The following CCBE1 variants were observed in gnomAD, a reference collection of about 807,000 sequenced individuals.
CCBE1 encodes the protein collagen and calcium-binding EGF domain-containing protein 1.
Under a neutral mutation model 50.0 loss-of-function variants are expected in CCBE1, and 37 were observed. The observed-to-expected ratio is 0.74, with a 90% CI of 0.57 to 0.97. The LOEUF (loss-of-function observed/expected upper bound fraction) is 0.97, where lower values mean the gene tolerates loss of function less well. CCBE1 is among the 50% of genes least tolerant of loss of function. The pLI is 0.00. For missense variants in CCBE1, 538 were observed against 523.8 expected (o/e 1.03, Z -0.26); for synonymous variants, 234 against 203.7 (o/e 1.15, Z -1.27).
chr18:59,461,219 G>A (rs2143697888), intron 5 of CCBE1, among the ~76,000 whole-genome samples: 1 of 151,642 alleles, frequency 6.6e-6, no homozygotes, highest in South Asian at 2.1e-4. Context: ...ACTTTCCACT[G>A]CATCACAGCT....
intron 9 of CCBE1, among the ~76,000 whole-genome samples, 182 bp from the exon 10 acceptor site, chr18:59,438,328 A>C (rs1263910838): frequency 6.6e-6 from 1 of 152,232 alleles, no homozygotes; most frequent in African/African-American, 2.4e-5. Flanking sequence ...TGCTTGGGTC[A>C]AGTGTCTCTC....
chr18:59,552,314 T>C (rs7233289), intron 2 of CCBE1, among the ~76,000 whole-genome samples: 15,810 of 152,202 alleles, frequency 0.1, 1,121 homozygotes, highest in East Asian at 0.34. Context: ...TGAGCATTTT[T>C]CCCCCAGGAT....
intron 6 of CCBE1, among the ~76,000 whole-genome samples, chr18:59,450,315 T>C (rs1469816951): frequency 2.0e-5 from 3 of 152,238 alleles, no homozygotes; most frequent in Non-Finnish European, 2.9e-5. Flanking sequence ...GGCGCTGTTC[T>C]CAGTCCTTTG....
At chr18:59,539,126 T>C (rs535754421) in intron 2 of CCBE1, among the ~76,000 whole-genome samples, 63 of 151,872 alleles carry the variant, frequency 4.1e-4, no homozygotes, top group Non-Finnish European at 7.6e-4. Context: ...CATGGACCTA[T>C]GATTGTGCCA....
At chr18:59,444,640 C>G (rs1910594007) in intron 7 of CCBE1, among the ~76,000 whole-genome samples, 1 of 151,956 alleles carries the variant, frequency 6.6e-6, no homozygotes, top group Admixed American at 6.6e-5. Flanking sequence ...CCCTCAGCCT[C>G]CTGAGTAGCT....
At chr18:59,606,316 A>G (rs914732878) in intron 2 of CCBE1, among the ~76,000 whole-genome samples, 9 of 152,190 alleles carry the variant, frequency 5.9e-5, no homozygotes, top group African/African-American at 2.2e-4. Context: ...TTTCAGGGAA[A>G]GCAGCGAGGC....
intron 2 of CCBE1, among the ~76,000 whole-genome samples, chr18:59,592,687 CTAA>C (rs1465269796): frequency 2.0e-5 from 3 of 152,150 alleles, no homozygotes; most frequent in Non-Finnish European, 2.9e-5. Context: ...GAAGGATAAA[CTAA>C]TGAGATTGGT....
At chr18:59,669,225 C>A (rs1487808065) in intron 2 of CCBE1, among the ~76,000 whole-genome samples, 4 of 152,146 alleles carry the variant, frequency 2.6e-5, no homozygotes, top group African/African-American at 9.7e-5. Context: ...GCCAGCCTTC[C>A]CCTCTAGCTC....
chr18:59,482,895 G>GTTTTTTTTTTTT (rs1555682180), intron 2 of CCBE1, among the ~76,000 whole-genome samples: 1 of 125,810 alleles, frequency 7.9e-6, no homozygotes, highest in Non-Finnish European at 1.9e-5. Flanking sequence ...TTTTTAAGAA[G>GTTTTTTTTTTTT]TATTTTTTTT....
intron 2 of CCBE1, among the ~76,000 whole-genome samples, chr18:59,631,187 C>T (rs2053844043): frequency 6.6e-6 from 1 of 151,482 alleles, no homozygotes; most frequent in African/African-American, 2.4e-5. Context: ...AACAAGAGTA[C>T]ATTCCAGTAC....
chr18:59,603,987 A>C (rs2053464101), intron 2 of CCBE1, among the ~76,000 whole-genome samples: 1 of 152,214 alleles, frequency 6.6e-6, no homozygotes, highest in Non-Finnish European at 1.5e-5. Flanking sequence ...CCTGACACAA[A>C]ATACATGTGA....
intron 2 of CCBE1, among the ~76,000 whole-genome samples, chr18:59,494,460 A>G (rs1440169992): frequency 6.6e-6 from 1 of 152,174 alleles, no homozygotes; most frequent in Non-Finnish European, 1.5e-5. Flanking sequence ...CAGAGTCGTT[A>G]AAAAGGCTAC....
chr18:59,654,470 A>C (rs1284343274), intron 2 of CCBE1, among the ~76,000 whole-genome samples: 2 of 152,012 alleles, frequency 1.3e-5, no homozygotes, highest in Admixed American at 6.5e-5. Flanking sequence ...CTAAAAACAC[A>C]AATATTAGCT....
At chr18:59,591,797 C>T (rs562719004) in intron 2 of CCBE1, among the ~76,000 whole-genome samples, 4 of 152,306 alleles carry the variant, frequency 2.6e-5, no homozygotes, top group Admixed American at 6.5e-5. Flanking sequence ...CCAGCAGTCT[C>T]GCTTTTAGGT....
intron 6 of CCBE1, among the ~76,000 whole-genome samples, chr18:59,449,628 A>G (rs1194221277): frequency 1.5e-5 from 1 of 65,338 alleles, no homozygotes; most frequent in Non-Finnish European, 3.4e-5. Flanking sequence ...CTCTGTCCAA[A>G]AAAAAAAAAA....
chr18:59,583,161 T>G (rs1420915892), intron 2 of CCBE1, among the ~76,000 whole-genome samples: 5 of 152,208 alleles, frequency 3.3e-5, no homozygotes, highest in Admixed American at 1.3e-4. Context: ...TGTGTTGGAT[T>G]CATCACCTGA....
At chr18:59,517,509 AT>A (rs1914422887) in intron 2 of CCBE1, among the ~76,000 whole-genome samples, 1 of 152,246 alleles carries the variant, frequency 6.6e-6, no homozygotes, top group African/African-American at 2.4e-5. Flanking sequence ...AAGGCACTAC[AT>A]AAATGTAAGT....
intron 2 of CCBE1, among the ~76,000 whole-genome samples, chr18:59,610,060 A>G (rs990322502): frequency 6.6e-6 from 1 of 152,246 alleles, no homozygotes; most frequent in Non-Finnish European, 1.5e-5. Context: ...CACAAAATAT[A>G]TGAAGGTTAT....
At chr18:59,691,400 T>TTTTG (rs202162119) in intron 2 of CCBE1, among the ~76,000 whole-genome samples, 2 of 6,572 alleles carry the variant, frequency 3.0e-4, no homozygotes, top group African/African-American at 4.3e-4. Flanking sequence ...TCACAAGATT[T>TTTTG]TTTGTTTGTT....
Sources: allele counts gnomAD v4.1 joint callset (sites outside exome capture counted in the v4.1 genomes callset), GRCh38; gene constraint gnomAD v4.1.1; transcripts MANE v1.5; gene names NCBI Gene and HGNC (gene_info 2026-07-23, HGNC 2026-07-21).